ARHGEF3: variants seen among roughly 807,000 people sequenced by gnomAD.
ARHGEF3 encodes 59.8 kDA protein.
ARHGEF3 carries 28 observed loss-of-function variants against 63.2 expected under a neutral mutation model. The observed-to-expected ratio is 0.44, with a 90% CI of 0.33 to 0.61. The LOEUF is 0.61. ARHGEF3 is among the 20% of genes least tolerant of loss of function. ARHGEF3 has a pLI of 0.03. For synonymous variants in ARHGEF3, 266 were observed against 254.2 expected, an observed-to-expected ratio of 1.05 and a Z score of -0.44; for missense variants, 533 against 659.3, an observed-to-expected ratio of 0.81 and a Z score of 2.10.
chr3:56,799,637 A>C (rs535790659), intron 1 of ARHGEF3, among the ~76,000 whole-genome samples: 5 of 152,296 alleles, frequency 3.3e-5, no homozygotes, highest in African/African-American at 7.2e-5. Flanking sequence ...TACTGGTGGA[A>C]AATATATTTT....
upstream of ARHGEF3, among the ~76,000 whole-genome samples, chr3:56,804,516 T>C (rs2037793966): frequency 6.6e-6 from 1 of 152,196 alleles, no homozygotes; most frequent in Non-Finnish European, 1.5e-5. Flanking sequence ...AAACTGCCTT[T>C]GGAGGCAGAA....
rs71076013 is a variant in ARHGEF3 at position 57,042,651 on chromosome 3, AATATATATATATAT to A, written c.-27-7489_-27-7476del. 5.8e-3 allele frequency among the ~76,000 whole-genome samples: 288 copies of A among 49,280 alleles called. 6 individuals are homozygous for A. Among genetic ancestry groups the A allele is most frequent in the South Asian group, 0.011 (11 of 964 alleles). The allele number at this position is 49,280 out of a possible 152,430, so 32.3% of individuals were successfully genotyped here. A position where few individuals can be genotyped will look rare whatever the true frequency, so the allele number is the denominator to read the frequency against. The stretch of plus-strand genomic sequence containing the variant: ...CCCAGCATAACACTGTATGTACATA[AATATATATATATAT>A]ATATATATATATATATATATATATA... On this transcript the variant is annotated intron_variant, in intron 1 of 12. Coordinates refer to the ARHGEF3 transcript ENST00000338458.
intron 8 of ARHGEF3, among the ~76,000 whole-genome samples, chr3:56,736,908 C>A (rs1043863756): frequency 1.3e-5 from 2 of 152,052 alleles, no homozygotes; most frequent in Non-Finnish European, 2.9e-5. Context: ...CCCTGGCCAA[C>A]GTGGTGAAAC....
At chr3:56,832,542 G>T (rs1404838375) in intron 4 of ARHGEF3, among the ~76,000 whole-genome samples, 1 of 151,950 alleles carries the variant, frequency 6.6e-6, no homozygotes, top group African/African-American at 2.4e-5. Context: ...CTATTATCAT[G>T]GAATAGATAT....
At chr3:56,756,436 A>G (rs1205680579) in intron 2 of ARHGEF3, among the ~76,000 whole-genome samples, 1 of 151,446 alleles carries the variant, frequency 6.6e-6, no homozygotes, top group Non-Finnish European at 1.5e-5. Flanking sequence ...TTCTCCAACC[A>G]TACTAGGCTA....
chr3:57,044,930 A>G (rs974962694), intron 1 of ARHGEF3, among the ~76,000 whole-genome samples: 6 of 152,184 alleles, frequency 3.9e-5, no homozygotes, highest in African/African-American at 1.2e-4. Flanking sequence ...TCATACTGTC[A>G]AATGGTTCCA....
intron 2 of ARHGEF3, among the ~76,000 whole-genome samples, chr3:57,016,130 CT>C (rs1702990234): frequency 6.6e-6 from 1 of 152,204 alleles, no homozygotes; most frequent in South Asian, 2.1e-4. Flanking sequence ...TTTGTGACCT[CT>C]ACTGAAATCC....
chr3:56,852,818 C>T (rs1349439785), intron 4 of ARHGEF3, among the ~76,000 whole-genome samples: 4 of 152,180 alleles, frequency 2.6e-5, no homozygotes, highest in African/African-American at 9.7e-5. Flanking sequence ...ATTCATCAAA[C>T]CCTGATCTGA....
intron 4 of ARHGEF3, among the ~76,000 whole-genome samples, chr3:56,840,736 T>G (rs2039283429): frequency 6.6e-6 from 1 of 152,138 alleles, no homozygotes. Flanking sequence ...CAACCAGGAG[T>G]GCATTTGGAA....
At position 56,846,664 on chromosome 3, in the gene ARHGEF3, A is replaced by G. The variant is rs115169827; in HGVS notation, c.192+35628T>C. Among the ~76,000 whole-genome samples the G allele has an allele frequency of 4.3e-3, 655 of 152,278 alleles. 9 individuals carry two copies. Among genetic ancestry groups the G allele is most frequent in the African/African-American group, 0.015 (616 of 41,560 alleles). ...TGTACACCCAAAATTATATGGTAGT[A>G]TTTTAGAACAGGACTTGTATGGACT... is the stretch of plus-strand genomic sequence containing the variant. On this transcript the variant is annotated intron_variant, in intron 4 of 12. Coordinates refer to the ARHGEF3 transcript ENST00000338458.
rs370654966 is a variant in ARHGEF3 at position 56,815,131 on chromosome 3, G to A, written c.193-41315C>T. On this transcript the variant is annotated intron_variant, in intron 4 of 12. Transcript: ENST00000338458. ...TGCATTCCAGCTTGGGCAACAGAGC[G>A]AGACCCCACCTCTAAAAAAATTAAA... 3.5e-4 allele frequency among the ~76,000 whole-genome samples: 52 copies of A among 150,114 alleles called. No individual in the cohort carries two copies. The East Asian group carries it at 4.9e-3, about 14-fold the overall frequency.
intron 2 of ARHGEF3, among the ~76,000 whole-genome samples, chr3:56,964,419 A>C (rs1700406445): frequency 6.6e-6 from 1 of 151,958 alleles, no homozygotes; most frequent in Admixed American, 6.5e-5. Context: ...CTCAGTCACT[A>C]GCTGAATCCT....
intron 3 of ARHGEF3, chr3:56,939,727 G>A (rs1324981412): frequency 1.3e-5 from 2 of 152,184 alleles, no homozygotes; most frequent in African/African-American, 4.8e-5. Flanking sequence ...AACCAAAGAT[G>A]AAAGAAGAGG....
intron 2 of ARHGEF3, among the ~76,000 whole-genome samples, chr3:56,974,883 T>C (rs1701061496): frequency 1.3e-5 from 2 of 152,164 alleles, no homozygotes; most frequent in Non-Finnish European, 2.9e-5. Context: ...GCCTGTTCTT[T>C]CCCGAGAGTG....
At chr3:56,773,628 G>A in intron 2 of ARHGEF3, 81 bp downstream of exon 2, 1 of 1,239,680 alleles carries the variant, frequency 8.1e-7, no homozygotes, top group South Asian at 1.6e-5. Context: ...TGAAACCAGG[G>A]GAAATTCTAG....
chr3:56,765,984 C>T (rs186244503), intron 2 of ARHGEF3, among the ~76,000 whole-genome samples: 1 of 151,754 alleles, frequency 6.6e-6, no homozygotes, highest in East Asian at 1.9e-4. Context: ...AATTGTATTC[C>T]CAAGAGACAA....
At chr3:56,946,201 A>T (rs568152251) in intron 3 of ARHGEF3, among the ~76,000 whole-genome samples, 1 of 152,330 alleles carries the variant, frequency 6.6e-6, no homozygotes, top group South Asian at 2.1e-4. Flanking sequence ...AAAATCTAGA[A>T]ACTCTAAAAA....
intron 2 of ARHGEF3, among the ~76,000 whole-genome samples, chr3:56,983,971 C>A (rs2106915479): frequency 6.8e-6 from 1 of 148,102 alleles, no homozygotes. Flanking sequence ...GCTATCCCAG[C>A]TCAATAATTG....
intron 4 of ARHGEF3, among the ~76,000 whole-genome samples, chr3:56,809,864 C>G (rs1016881534): frequency 3.3e-5 from 5 of 151,982 alleles, no homozygotes; most frequent in African/African-American, 1.2e-4. Flanking sequence ...TCCTGAGTAG[C>G]TGGGATTACA....
Sources: gnomAD v4.1 joint callset for allele counts (sites outside exome capture counted in the v4.1 genomes callset) on GRCh38, gnomAD v4.1.1 for gene constraint, MANE v1.5 for transcripts, NCBI Gene and HGNC (gene_info 2026-07-23, HGNC 2026-07-21) for gene names.